The following TBC1D4 variants were observed in gnomAD, a reference collection of about 807,000 sequenced individuals.
The protein encoded by TBC1D4 is TBC1 domain family member 4, also known as TBC (Tre-2, BUB2, CDC16) domain-containing protein.
A neutral mutation model predicts 142.5 loss-of-function variants in TBC1D4; 121 were observed. The ratio of observed to expected loss-of-function variants is 0.85; its 90% CI spans 0.73 to 0.99. The LOEUF (loss-of-function observed/expected upper bound fraction) is 0.99. TBC1D4 is among the 50% of genes least tolerant of loss of function. The probability of loss-of-function intolerance (pLI) is 0.00; values close to 1 mark genes in which losing one functional copy is unlikely to be tolerated. For synonymous variants in TBC1D4, 630 were observed against 628.2 expected, an observed-to-expected ratio of 1.00 and a Z score of -0.04; for missense variants, 1,475 against 1,606.6, an observed-to-expected ratio of 0.92 and a Z score of 1.40.
chr13:75,366,971 CA>C (rs774655460), intron 1 of TBC1D4: 3 of 985,358 alleles, frequency 3.0e-6, no homozygotes, highest in Non-Finnish European at 3.6e-6. Flanking sequence ...ATGATTTTGC[CA>C]AACTGGTGTA....
intron 1 of TBC1D4, among the ~76,000 whole-genome samples, chr13:75,410,085 A>G (rs142991560): frequency 6.6e-6 from 1 of 152,310 alleles, no homozygotes; most frequent in African/African-American, 2.4e-5. Flanking sequence ...GCACTCTCAG[A>G]GTATTGTTGT....
chr13:75,289,250 TG>T (rs2137825044), intron 19 of TBC1D4, 140 bp from the exon 20 acceptor site: 1 of 888,520 alleles, frequency 1.1e-6, no homozygotes, highest in East Asian at 2.6e-5. Context: ...AAAAAAAAAG[TG>T]TAACTGTCAA....
chr13:75,311,785 G>A (rs969173554), intron 13 of TBC1D4, among the ~76,000 whole-genome samples: 1 of 151,984 alleles, frequency 6.6e-6, no homozygotes, highest in Non-Finnish European at 1.5e-5. Flanking sequence ...TGATTATTTG[G>A]ATTTCAAAAA....
intron 2 of TBC1D4, among the ~76,000 whole-genome samples, chr13:75,360,159 C>G (rs557121182): frequency 6.6e-6 from 1 of 152,116 alleles, no homozygotes; most frequent in African/African-American, 2.4e-5. Context: ...AAACTTTCCT[C>G]ACTTCATGAT....
In TBC1D4 at chr13:75,410,577, A is replaced by G. The variant is rs1885597718; in HGVS notation, c.499-47970T>C. ...GTCTATATTTGGTTATCAAGAAATT[A>G]AACACCTGTCTGTTTTTCAGAAATA... On this transcript the variant is annotated intron_variant, in intron 1 of 20. Coordinates refer to ENST00000377636, the MANE Select transcript of TBC1D4 (RefSeq NM_014832.5). Among the ~76,000 whole-genome samples the G allele has an allele frequency of 2.6e-5, 4 of 152,358 alleles. No individual in the cohort carries two copies. In the South Asian group the frequency reaches 8.3e-4, roughly 32 times the overall value.
At chr13:75,478,799 G>A (rs1410986742) in intron 1 of TBC1D4, among the ~76,000 whole-genome samples, 1 of 152,160 alleles carries the variant, frequency 6.6e-6, no homozygotes, top group Non-Finnish European at 1.5e-5. Context: ...AAATGAACCT[G>A]GATGCTCTAA....
intron 1 of TBC1D4, among the ~76,000 whole-genome samples, chr13:75,418,649 T>C (rs1593865295): frequency 6.6e-6 from 1 of 152,222 alleles, no homozygotes; most frequent in Non-Finnish European, 1.5e-5. Context: ...AGTGTTAAGG[T>C]GAAAAATACA....
In TBC1D4 at chr13:75,326,138, G is replaced by T. The variant is rs112121614; in HGVS notation, c.2033+59C>A. The stretch of plus-strand genomic sequence containing the variant: ...ATTCACAATCCACCTTGACTCCAGA[G>T]TAATCAAAACTGTGTGCCTTGAGAA... On this transcript the variant is annotated intron_variant, in intron 10 of 20. Coordinates refer to ENST00000377636, the MANE Select transcript of TBC1D4 (RefSeq NM_014832.5). The T allele has an allele frequency of 1.1e-3, 1,660 of 1,573,148 alleles. 17 individuals carry two copies. In the African/African-American group the frequency reaches 0.02, roughly 19 times the overall value.
At position 75,480,869 on chromosome 13, in the gene TBC1D4, A is replaced by G. The variant is rs552489690; in HGVS notation, c.498+401T>C. On this transcript the variant is annotated intron_variant, in intron 1 of 20. Transcript: ENST00000377636. ...TGCGTTCATACACGCGCTCGCGCGC[A>G]CACGCACGCACACACACACACACAC... Among the ~76,000 whole-genome samples the G allele has an allele frequency of 2.5e-4, 28 of 113,378 alleles. No homozygotes were observed. The East Asian group carries it at 4.4e-3, about 18-fold the overall frequency. The allele number at this position is 113,378 out of a possible 152,430, so 74.4% of individuals were successfully genotyped here. A position where few individuals can be genotyped will look rare whatever the true frequency, so the allele number is the denominator to read the frequency against.
chr13:75,301,366 G>A (rs9543896), intron 16 of TBC1D4, among the ~76,000 whole-genome samples: 7,844 of 152,204 alleles, frequency 0.052, 237 homozygotes, highest in African/African-American at 0.059. Flanking sequence ...TGCTGGCTGG[G>A]CACGGTGGCT....
At chr13:75,289,135 G>A in intron 19 of TBC1D4, 25 bp from the exon 20 acceptor site, 1 of 1,612,954 alleles carries the variant, frequency 6.2e-7, no homozygotes, top group Non-Finnish European at 8.5e-7. Flanking sequence ...TCATGGGTTA[G>A]GCTAGCCTTT....
intron 4 of TBC1D4, among the ~76,000 whole-genome samples, chr13:75,354,033 G>T (rs1305802262): frequency 6.6e-6 from 1 of 152,182 alleles, no homozygotes; most frequent in East Asian, 1.9e-4. Context: ...ACCAACACGT[G>T]TGGGTTTCAG....
chr13:75,293,925 A>G (rs1019811153), intron 18 of TBC1D4, among the ~76,000 whole-genome samples: 1 of 152,042 alleles, frequency 6.6e-6, no homozygotes, highest in Non-Finnish European at 1.5e-5. Context: ...AATGGCGCCA[A>G]TACAATTTGA....
intron 18 of TBC1D4, among the ~76,000 whole-genome samples, chr13:75,293,567 A>C (rs1875564809): frequency 6.6e-6 from 1 of 152,208 alleles, no homozygotes; most frequent in South Asian, 2.1e-4. Flanking sequence ...GGATTTATAG[A>C]ATACCCATTA....
intron 1 of TBC1D4, among the ~76,000 whole-genome samples, chr13:75,395,941 T>C (rs1018821936): frequency 7.6e-4 from 115 of 152,300 alleles, no homozygotes; most frequent in African/African-American, 2.6e-3. Flanking sequence ...GGCTGGCTTG[T>C]TTAAGCCTCT....
intron 1 of TBC1D4, among the ~76,000 whole-genome samples, chr13:75,480,875 ACG>A (rs373940939): frequency 4.7e-4 from 50 of 105,774 alleles, no homozygotes; most frequent in African/African-American, 1.2e-3. Flanking sequence ...GCGCACACGC[ACG>A]CACACACACA....
intron 1 of TBC1D4, among the ~76,000 whole-genome samples, chr13:75,394,502 A>G (rs2138318782): frequency 6.6e-6 from 1 of 152,336 alleles, no homozygotes; most frequent in Middle Eastern, 3.4e-3. Flanking sequence ...CAGATGTTTC[A>G]GCTGTATAAT....
At chr13:75,352,976 G>C (rs1248054354) in intron 4 of TBC1D4, among the ~76,000 whole-genome samples, 1 of 152,052 alleles carries the variant, frequency 6.6e-6, no homozygotes, top group African/African-American at 2.4e-5. Flanking sequence ...TTTTTTTCTT[G>C]AGGCTTGCAG....
intron 1 of TBC1D4, among the ~76,000 whole-genome samples, chr13:75,442,438 C>T (rs545618092): frequency 3.3e-5 from 5 of 151,982 alleles, no homozygotes; most frequent in Non-Finnish European, 7.4e-5. Flanking sequence ...AAACAGAAAA[C>T]AAATTCAAAA....
Sources: allele counts gnomAD v4.1 joint callset (sites outside exome capture counted in the v4.1 genomes callset), GRCh38; gene constraint gnomAD v4.1.1; transcripts MANE v1.5; gene names NCBI Gene and HGNC (gene_info 2026-07-23, HGNC 2026-07-21).